Variants in UST observed in about 807,000 individuals in gnomAD.
UST encodes the protein uronyl 2-sulfotransferase.
In UST, 21 loss-of-function variants were observed where a neutral mutation model predicts 45.6. The ratio of observed to expected loss-of-function variants is 0.46; its 90% confidence interval spans 0.33 to 0.66. The LOEUF is 0.66. Ranked by LOEUF, UST falls within the 30% of genes least tolerant of loss-of-function variation. The pLI is 0.02. For missense variants in UST, 463 were observed against 512.4 expected, an observed-to-expected ratio of 0.90 and a Z score of 0.93; for synonymous variants, 215 against 200.6, an observed-to-expected ratio of 1.07 and a Z score of -0.61.
At chr6:148,778,824 G>A (rs895590192) in intron 1 of UST, among the ~76,000 whole-genome samples, 2 of 152,172 alleles carry the variant, frequency 1.3e-5, no homozygotes, top group African/African-American at 4.8e-5. Context: ...TAGGGAGTGG[G>A]GTCTTGAGCC....
At chr6:148,928,359 C>A (rs1779857925) in intron 2 of UST, among the ~76,000 whole-genome samples, 1 of 152,230 alleles carries the variant, frequency 6.6e-6, no homozygotes, top group Non-Finnish European at 1.5e-5. Flanking sequence ...GCTATAGAGA[C>A]AATTGTTGCT....
intron 5 of UST, among the ~76,000 whole-genome samples, chr6:148,987,785 G>GACACTA (rs1420307245): frequency 9.2e-5 from 14 of 152,050 alleles, no homozygotes; most frequent in Non-Finnish European, 1.8e-4. Context: ...CTACTGCCAT[G>GACACTA]ACACTAACAC....
chr6:148,956,812 T>C (rs1780520642), intron 4 of UST, among the ~76,000 whole-genome samples: 1 of 152,192 alleles, frequency 6.6e-6, no homozygotes, highest in African/African-American at 2.4e-5. Context: ...CAGTCAACAT[T>C]AAATGTTTTC....
At chr6:148,796,970 G>A (rs1013368672) in intron 1 of UST, among the ~76,000 whole-genome samples, 2 of 151,756 alleles carry the variant, frequency 1.3e-5, no homozygotes, top group Admixed American at 6.6e-5. Flanking sequence ...GTCCGGCTAT[G>A]TTTTGTATTT....
intron 5 of UST, among the ~76,000 whole-genome samples, chr6:148,987,264 A>T (rs1018615822): frequency 2.0e-5 from 3 of 152,208 alleles, no homozygotes; most frequent in South Asian, 4.1e-4. Flanking sequence ...TAAAATATGC[A>T]TGCTGCTTGG....
intron 1 of UST, among the ~76,000 whole-genome samples, chr6:148,751,308 C>T (rs1040635252): frequency 1.3e-5 from 2 of 152,184 alleles, no homozygotes; most frequent in African/African-American, 4.8e-5. Context: ...TTAAGCCCCA[C>T]TGTTTTGAGG....
chr6:148,815,720 GA>G (rs1777342108), intron 1 of UST, among the ~76,000 whole-genome samples: 1 of 152,170 alleles, frequency 6.6e-6, no homozygotes, highest in East Asian at 1.9e-4. Context: ...TTGGTCAGGA[GA>G]AAATGAGTTC....
rs144816445 is a variant in UST, at chr6:149,038,890, G to A, written c.937+17409G>A. ...GTGATGCAATGAAATATAGTGAGGC[G>A]GTTGGAGTTTTAGTTTGAAGAATGT... On this transcript the variant is annotated intron_variant, in intron 7 of 7. Transcript: ENST00000367463. Among the ~76,000 whole-genome samples, 1,102 of 152,118 alleles carry A rather than the reference G, an allele frequency of 7.2e-3. 9 individuals are homozygous for A. The highest frequency in any genetic ancestry group is 0.011 in the Non-Finnish European group (731 of 68,012).
chr6:148,939,813 GT>G (rs1303538613), intron 2 of UST, among the ~76,000 whole-genome samples: 1 of 152,048 alleles, frequency 6.6e-6, no homozygotes, highest in Admixed American at 6.6e-5. Flanking sequence ...TTAGGCAATA[GT>G]TTCTTAGATA....
chr6:148,918,905 A>C (rs1488027697), intron 2 of UST, among the ~76,000 whole-genome samples: 1 of 152,162 alleles, frequency 6.6e-6, no homozygotes, highest in African/African-American at 2.4e-5. Flanking sequence ...CCCTTCTGGA[A>C]TAGACTAGGA....
At chr6:148,831,856 T>C (rs980559696) in intron 1 of UST, among the ~76,000 whole-genome samples, 3 of 152,170 alleles carry the variant, frequency 2.0e-5, no homozygotes, top group African/African-American at 7.2e-5. Context: ...TTAAATACTT[T>C]CCCGAAGTCA....
In UST at chr6:148,790,284, C is replaced by CT. The variant is rs1219278094; in HGVS notation, c.247+42609dup. 3.3e-4 allele frequency among the ~76,000 whole-genome samples: 50 copies of CT among 152,282 alleles called. No homozygotes were observed. Among genetic ancestry groups the CT allele is most frequent in the African/African-American group, 1.2e-3 (50 of 41,564 alleles). On this transcript the variant is annotated intron_variant, in intron 1 of 7. Transcript: ENST00000367463. The surrounding 1 kb of genome is among the most constrained non-coding windows in gnomAD (Gnocchi z 4.2). Reference sequence around the variant, plus strand: ...TCTGTGCCTCCAACTGGAATGAAAGCTTCTGGGAGTAGAGACCCCGTTTTG... The same window carrying CT: ...TCTGTGCCTCCAACTGGAATGAAAGCTTTCTGGGAGTAGAGACCCCGTTTTG...
chr6:149,059,062 A>G (rs1199565770), intron 7 of UST, among the ~76,000 whole-genome samples: 1 of 152,214 alleles, frequency 6.6e-6, no homozygotes, highest in East Asian at 1.9e-4. Flanking sequence ...CTTGCCCTTC[A>G]TTCGGTAAAT....
chr6:149,051,637 C>CCTGATCTCAGGAACCTGATCTCAGCTGA (rs1776489242), intron 7 of UST, among the ~76,000 whole-genome samples: 1 of 152,210 alleles, frequency 6.6e-6, no homozygotes, highest in South Asian at 2.1e-4. Context: ...GATTGAATGG[C>CCTGATCTCAGGAACCTGATCTCAGCTGA]ACAGTTCCTG....
chr6:148,762,519 C>T (rs2114659687), intron 1 of UST, among the ~76,000 whole-genome samples: 1 of 149,944 alleles, frequency 6.7e-6, no homozygotes, highest in East Asian at 2.0e-4. Context: ...AATTTGGTTG[C>T]TGGGCAGGCT....
chr6:148,912,319 G>T (rs1388842820), intron 2 of UST, among the ~76,000 whole-genome samples: 1 of 152,250 alleles, frequency 6.6e-6, no homozygotes, highest in Non-Finnish European at 1.5e-5. Context: ...TTCAATCCAT[G>T]AGTTGTTTCT....
intron 1 of UST, among the ~76,000 whole-genome samples, chr6:148,835,625 T>C (rs1300004785): frequency 6.6e-6 from 1 of 152,204 alleles, no homozygotes; most frequent in African/African-American, 2.4e-5. Context: ...ATTTGTCATG[T>C]TGCAAAATGG....
chr6:148,848,637 C>T (rs908983551), intron 1 of UST, among the ~76,000 whole-genome samples: 1 of 149,606 alleles, frequency 6.7e-6, no homozygotes, highest in African/African-American at 2.5e-5. Context: ...CACCACTGCA[C>T]TCCAGCCTGG....
intron 1 of UST, among the ~76,000 whole-genome samples, chr6:148,764,554 G>A (rs146643941): frequency 5.1e-4 from 78 of 152,086 alleles, no homozygotes; most frequent in Admixed American, 1.8e-3. Flanking sequence ...CTTAAGTGTC[G>A]GCCGGTCTGA....
Sources: gnomAD v4.1 joint callset for allele counts (sites outside exome capture counted in the v4.1 genomes callset) on GRCh38, gnomAD v4.1.1 for gene constraint, Gnocchi (gnomAD v3.1) non-coding constraint, MANE v1.5 for transcripts, NCBI Gene and HGNC (gene_info 2026-07-23, HGNC 2026-07-21) for gene names.